NREP: variants seen among roughly 807,000 people sequenced by gnomAD.
NREP encodes the protein neuronal regeneration related protein, also known as neuronal regeneration-related protein.
A neutral mutation model predicts 8.6 loss-of-function variants in NREP; 5 were observed. That is an observed-to-expected ratio of 0.58 (90% CI 0.30 to 1.22). NREP has a LOEUF of 1.22. NREP is among the 50% of genes most tolerant of loss of function. NREP has a pLI of 0.07. For synonymous variants in NREP, 27 were observed against 28.0 expected, an observed-to-expected ratio of 0.96 and a Z score of 0.11; for missense variants, 86 against 82.5, an observed-to-expected ratio of 1.04 and a Z score of -0.17.
intron 2 of NREP, among the ~76,000 whole-genome samples, chr5:111,825,047 C>A (rs1752591167): frequency 6.6e-6 from 1 of 152,132 alleles, no homozygotes; most frequent in East Asian, 1.9e-4. Context: ...GAGTTAAGAA[C>A]TGTGATGTAT....
rs571252142 is a variant in NREP at position 111,798,734 on chromosome 5, GGTGTGTGT to G, written c.136-63235_136-63228del. On this transcript the variant is annotated intron_variant, in intron 2 of 3. Transcript: ENST00000395634. ...TTTTTATGGCTGAGTAGTATTCCAT[GGTGTGTGT>G]GTGTGTGTGTGTGTGTGTGTGTGTG... Among the ~76,000 whole-genome samples, 506 of 135,684 alleles carry G rather than the reference GGTGTGTGT, an allele frequency of 3.7e-3. 4 individuals carry two copies. The highest frequency in any genetic ancestry group is 0.016 in the East Asian group (72 of 4,566). 89.0% of individuals were successfully genotyped at this position (135,684 alleles called of 152,430 possible).
At chr5:111,903,373 C>T (rs527890400) in intron 2 of NREP, among the ~76,000 whole-genome samples, 19 of 152,018 alleles carry the variant, frequency 1.2e-4, no homozygotes, top group South Asian at 2.1e-4. Context: ...GTGTGAGCCA[C>T]GGCACCCAGC....
At chr5:111,915,841 G>C (rs1186048638) in intron 2 of NREP, among the ~76,000 whole-genome samples, 1 of 151,954 alleles carries the variant, frequency 6.6e-6, no homozygotes, top group Non-Finnish European at 1.5e-5. Flanking sequence ...TGATTTCACG[G>C]CCTGTTCATT....
chr5:111,786,811 G>T (rs1161678824), intron 2 of NREP, among the ~76,000 whole-genome samples: 1 of 152,182 alleles, frequency 6.6e-6, no homozygotes, highest in Non-Finnish European at 1.5e-5. Context: ...ATTGGGGTAG[G>T]AATTTTGTAT....
rs1748405982 is a variant in NREP, at chr5:111,730,009, C to T, written c.*912G>A. ...CAAACAGAAAGAACCCAAAGAGACACCTCAAAATGCCTGTAAAATTATTGC... is the reference window on the plus strand; with the variant it reads ...CAAACAGAAAGAACCCAAAGAGACATCTCAAAATGCCTGTAAAATTATTGC... On this transcript the variant is annotated 3_prime_UTR_variant, in exon 4 of 4. Coordinates refer to ENST00000257435, the MANE Select transcript of NREP (RefSeq NM_004772.4). 1 of 147,820 alleles carries T rather than the reference C, an allele frequency of 6.8e-6. No individual in the cohort carries two copies. 9.2% of individuals were successfully genotyped at this position (147,820 alleles called of 1,614,324 possible). A position where few individuals can be genotyped will look rare whatever the true frequency, so the allele number is the denominator to read the frequency against.
At chr5:111,975,168 T>A (rs1334225073) in intron 2 of NREP, 2 of 742,206 alleles carry the variant, frequency 2.7e-6, no homozygotes, top group Non-Finnish European at 4.6e-6. Flanking sequence ...GGGGCAATGG[T>A]GGGAATGACT....
At position 111,815,490 on chromosome 5, in the gene NREP, G is replaced by GT. The variant is rs534792069; in HGVS notation, c.136-79984dup. Among the ~76,000 whole-genome samples the GT allele has an allele frequency of 7.9e-4, 115 of 145,748 alleles. 1 individual carries two copies. Among genetic ancestry groups the GT allele is most frequent in the Middle Eastern group, 3.5e-3 (1 of 284 alleles). Reference sequence around the variant, plus strand: ...TCTAAGGACTCAGTTATCAAAGAAAGTTTTTTTTTTTAGTTATCGTAAATA... The same window carrying GT: ...TCTAAGGACTCAGTTATCAAAGAAAGTTTTTTTTTTTTAGTTATCGTAAATA... On this transcript the variant is annotated intron_variant, in intron 2 of 3. Transcript: ENST00000395634.
intron 2 of NREP, among the ~76,000 whole-genome samples, chr5:111,791,703 G>T (rs1437920936): frequency 1.3e-5 from 2 of 152,130 alleles, no homozygotes; most frequent in Admixed American, 1.3e-4. Context: ...AAACTCCTGG[G>T]CTCAAGCAAT....
chr5:111,922,498 G>T (rs945156460), intron 2 of NREP, among the ~76,000 whole-genome samples: 1 of 152,064 alleles, frequency 6.6e-6, no homozygotes, highest in Non-Finnish European at 1.5e-5. Context: ...CTTGATTTTG[G>T]CATATGGGTG....
At chr5:111,757,197 T>C, upstream of NREP, 1 of 947,594 alleles carries the variant, frequency 1.1e-6, no homozygotes, top group Non-Finnish European at 1.2e-6. Context: ...ACAAATGTGG[T>C]TGAAAAAGGG....
intron 2 of NREP, among the ~76,000 whole-genome samples, chr5:111,836,405 C>G (rs981437133): frequency 6.6e-6 from 1 of 151,954 alleles, no homozygotes; most frequent in Non-Finnish European, 1.5e-5. Context: ...TAGCAAAATT[C>G]TGGAGGTGGG....
chr5:111,798,756 T>TGC (rs1299483787), intron 2 of NREP, among the ~76,000 whole-genome samples: 1 of 98,484 alleles, frequency 1.0e-5, no homozygotes, highest in African/African-American at 4.2e-5. Context: ...TGTGTGTGTG[T>TGC]GTGTGTGTGT....
intron 2 of NREP, among the ~76,000 whole-genome samples, chr5:111,865,203 A>G (rs1753638149): frequency 6.6e-6 from 1 of 152,126 alleles, no homozygotes; most frequent in South Asian, 2.1e-4. Context: ...AGAGAGGTGG[A>G]TGCAATGTGG....
chr5:111,828,901 G>T (rs547303827), intron 2 of NREP, among the ~76,000 whole-genome samples: 1 of 152,164 alleles, frequency 6.6e-6, no homozygotes, highest in Admixed American at 6.5e-5. Context: ...GGACAGCACA[G>T]ATAATAGGCA....
rs538573356 is a variant in NREP at position 111,828,107 on chromosome 5, C to T, written c.136-92600G>A. Among the ~76,000 whole-genome samples the T allele has an allele frequency of 1.1e-4, 17 of 151,812 alleles. No homozygotes were observed. In the South Asian group the frequency reaches 2.7e-3, roughly 24 times the overall value. The stretch of plus-strand genomic sequence containing the variant: ...GTGCAATGGCACGATCTCGGCTCAC[C>T]GCAACCTCCAGCTCCCAGGTTCAAG... On this transcript the variant is annotated intron_variant, in intron 2 of 3. Transcript: ENST00000395634.
intron 2 of NREP, among the ~76,000 whole-genome samples, chr5:111,826,164 A>T (rs1294561580): frequency 6.6e-6 from 1 of 152,120 alleles, no homozygotes; most frequent in Non-Finnish European, 1.5e-5. Flanking sequence ...TAAATCCACC[A>T]ATCAGTGCTT....
chr5:111,766,618 G>C (rs1751091356), intron 2 of NREP, among the ~76,000 whole-genome samples: 1 of 152,112 alleles, frequency 6.6e-6, no homozygotes, highest in African/African-American at 2.4e-5. Context: ...CTCTTCTTGG[G>C]TCCTCTGCTC....
chr5:111,831,848 C>T (rs1204282971), intron 2 of NREP, among the ~76,000 whole-genome samples: 2 of 152,100 alleles, frequency 1.3e-5, no homozygotes, highest in African/African-American at 4.8e-5. Flanking sequence ...ACAAAAAGGG[C>T]CTAGAGAATA....
chr5:111,757,234 GGGGAGGGGGGATTGGGGGAGGGAGGGGGA>G, upstream of NREP: 1 of 562,684 alleles, frequency 1.8e-6, no homozygotes, highest in Non-Finnish European at 2.2e-6. Flanking sequence ...CAGATTGGGG[GGGGAGGGGGGATTGGGGGAGGGAGGGGGA>G]GGGGAAAGGG....
Sources: allele counts gnomAD v4.1 joint callset (sites outside exome capture counted in the v4.1 genomes callset), GRCh38; gene constraint gnomAD v4.1.1; transcripts MANE v1.5; gene names NCBI Gene and HGNC (gene_info 2026-07-23, HGNC 2026-07-21).